Variants in UNC13D observed in about 807,000 individuals in gnomAD.
The protein encoded by UNC13D is unc-13 homolog D.
In UNC13D, 115 loss-of-function variants were observed where a neutral mutation model predicts 151.7. The ratio of observed to expected loss-of-function variants is 0.76; its 90% CI spans 0.65 to 0.88. The LOEUF (loss-of-function observed/expected upper bound fraction) is 0.88. UNC13D is among the 40% of genes least tolerant of loss of function. The pLI is 0.00. For missense variants in UNC13D, 1,369 were observed against 1,438.7 expected, an observed-to-expected ratio of 0.95 and a Z score of 0.78; for synonymous variants, 588 against 612.2, an observed-to-expected ratio of 0.96 and a Z score of 0.58.
intron 6 of UNC13D, among the ~76,000 whole-genome samples, chr17:75,841,832 T>C (rs1446548187): frequency 6.0e-5 from 9 of 149,462 alleles, no homozygotes; most frequent in African/African-American, 2.0e-4. Flanking sequence ...CACTGCAACC[T>C]CCGCCTCCCA....
At chr17:75,831,484 C>T (rs2064872496) in intron 25 of UNC13D, 136 bp from the exon 26 acceptor site, 1 of 745,088 alleles carries the variant, frequency 1.3e-6, no homozygotes, top group South Asian at 1.7e-5. Context: ...ACCTCCCCCT[C>T]CGCCTCCCAC....
At chr17:75,843,388 C>T in intron 2 of UNC13D, 96 bp downstream of exon 2, 1 of 1,566,998 alleles carries the variant, frequency 6.4e-7, no homozygotes, top group South Asian at 1.1e-5. Context: ...GAGTCCCCTC[C>T]CCACCGCAAG....
chr17:75,829,987 A>G (rs1391194581), intron 30 of UNC13D, 41 bp downstream of exon 30: 1 of 1,562,720 alleles, frequency 6.4e-7, no homozygotes, highest in East Asian at 2.3e-5. Context: ...CAGTGGGGAG[A>G]GATGAGGGGA....
rs3744008 is a variant in UNC13D at position 75,843,133 on chromosome 17, G to A, written c.261+26C>T. ...CACCAGACAGGGCAGCTGCAGGAAG[G>A]GGGGTGGGGTGGGAGCCGGGCTCAC... On this transcript the variant is annotated intron_variant, in intron 3 of 31. Coordinates refer to ENST00000207549, the MANE Select transcript of UNC13D (RefSeq NM_199242.3). 2.0e-4 allele frequency: 321 copies of A among 1,610,244 alleles called. 2 individuals carry two copies. Among genetic ancestry groups the A allele is most frequent in the Non-Finnish European group, 2.1e-4 (253 of 1,179,698 alleles).
chr17:75,839,807 C>T (rs767652209), intron 12 of UNC13D, 32 bp downstream of exon 12: 1 of 1,610,700 alleles, frequency 6.2e-7, no homozygotes, highest in South Asian at 1.1e-5. Context: ...GGGCTGGTGG[C>T]TCAGGGGTTC....
intron 12 of UNC13D, among the ~76,000 whole-genome samples, chr17:75,837,389 T>C (rs1021486881): frequency 6.6e-6 from 1 of 151,716 alleles, no homozygotes; most frequent in African/African-American, 2.4e-5. Context: ...TTTGTTTCCA[T>C]AGATGCTTTT....
Position 75,840,266 on chromosome 17 carries a change from G to C in UNC13D, c.817C>G (p.Arg273Gly). 1 of 1,614,024 alleles carries C rather than the reference G, an allele frequency of 6.2e-7. No homozygotes were observed. Among genetic ancestry groups the C allele is most frequent in the Non-Finnish European group, 8.5e-7 (1 of 1,180,032 alleles). The change falls in exon 10 of 32, where the codon CGA (arginine) becomes GGA (glycine). Residue 273 changes from arginine to glycine, a missense_variant. Physicochemically the swap from Arg to Gly is moderately radical, Grantham distance 125. This residue lies in a region of UNC13D where 550 missense variants were observed against 609.0 expected (regional missense o/e 0.90). Coordinates refer to ENST00000207549, the MANE Select transcript of UNC13D (RefSeq NM_199242.3). This position sits in a 1 kb window ranked among gnomAD's most constrained non-coding sequence, Gnocchi z 4.6. Reference protein sequence around the residue: ...LEPRTETYPDRGQCHLQFQLI... With the variant: ...LEPRTETYPDGGQCHLQFQLI... ...TGGAACTGGAGGTGGCACTGGCCTC[G>C]GTCTGGGTAGGTCTCAGTGCGGGGT... is the stretch of plus-strand genomic sequence containing the variant.
At chr17:75,841,991 C>T (rs1445749886) in intron 6 of UNC13D, among the ~76,000 whole-genome samples, 2 of 152,124 alleles carry the variant, frequency 1.3e-5, no homozygotes, top group African/African-American at 4.8e-5. Flanking sequence ...TCATGATCTG[C>T]CCTCCTCAGC....
At position 75,836,614 on chromosome 17, in the gene UNC13D, AG is replaced by A. The variant is rs772295708; in HGVS notation, c.1255del (p.Leu419SerfsTer23). 15 of 1,613,654 alleles carry A rather than the reference AG, an allele frequency of 9.3e-6. No individual in the cohort carries two copies. The highest frequency in any genetic ancestry group is 1.3e-5 in the Non-Finnish European group (15 of 1,179,974). On this transcript the variant is annotated frameshift_variant, in exon 14 of 32. Coordinates refer to ENST00000207549, the MANE Select transcript of UNC13D (RefSeq NM_199242.3). LOFTEE classifies it high-confidence loss of function. ...CCGGGCTGGGGAGTCCGAGACAGAG[AG>A]GGGGAAGACAGAGCGGAACCTCCGG... Reference protein sequence around the residue: ...LIRRFRSVFPLSVSDSPARLQ... With the variant: ...LIRRFRSVFPXSVSDSPARLQ...
rs1175378274 is a variant in UNC13D at position 75,840,165 on chromosome 17, C to T, written c.859-55G>A. ...GCCTCACACTGGGTGCAGCCAGCCC[C>T]GCAACCCAGCAGACCGCCGCAAGAG... On this transcript the variant is annotated intron_variant, in intron 10 of 31. Transcript: ENST00000207549. The surrounding 1 kb of genome is among the most constrained non-coding windows in gnomAD (Gnocchi z 4.6). 1.2e-5 allele frequency: 19 copies of T among 1,611,804 alleles called. No individual in the cohort carries two copies. The highest frequency in any genetic ancestry group is 8.8e-5 in the South Asian group (8 of 90,912).
Position 75,835,369 on chromosome 17 carries a change from C to A in UNC13D, c.1848+40G>T, listed in dbSNP as rs1484642767. The stretch of plus-strand genomic sequence containing the variant: ...CCAGGCAGAACCCAAGCCTCACCCC[C>A]AAACCGGGGCCCCGCCCCCTGCCCT... On this transcript the variant is annotated intron_variant, in intron 20 of 31. Transcript: ENST00000207549. 3 of 1,603,788 alleles carry A rather than the reference C, an allele frequency of 1.9e-6. No homozygotes were observed. In the South Asian group the frequency reaches 3.3e-5, roughly 18 times the overall value.
In UNC13D at chr17:75,836,670, G is replaced by A; in HGVS notation, c.1200C>T (p.Ser400=). 6.8e-6 allele frequency: 11 copies of A among 1,613,734 alleles called. No homozygotes were observed. The highest frequency in any genetic ancestry group is 9.3e-6 in the Non-Finnish European group (11 of 1,180,036). The change falls in exon 14 of 32, where the codon AGC becomes AGT. Residue 400 remains serine (S), a synonymous_variant. Transcript: ENST00000207549. ...GGGAGAGGCCGTAGGTCAGCAGGGA[G>A]CTGAATGAGGCGGCCAGCTCCTCCT... is the stretch of plus-strand genomic sequence containing the variant. ...EQQEELAASF[S]SLLTYGLSLI...
At chr17:75,842,958 G>C in intron 4 of UNC13D, 35 bp from the exon 5 acceptor site, 1 of 1,613,154 alleles carries the variant, frequency 6.2e-7, no homozygotes, top group Non-Finnish European at 8.5e-7. Context: ...GAGTCCCTGA[G>C]GGGGCTGGGC....
At chr17:75,843,402 C>T in intron 2 of UNC13D, 82 bp downstream of exon 2, 1 of 1,571,994 alleles carries the variant, frequency 6.4e-7, no homozygotes, top group Non-Finnish European at 8.6e-7. Flanking sequence ...CCGCAAGTTG[C>T]TTGCTGCCAT....
chr17:75,830,202 C>T (rs772529830), intron 29 of UNC13D, 51 bp from the exon 30 acceptor site: 1 of 1,568,390 alleles, frequency 6.4e-7, no homozygotes, highest in Non-Finnish European at 8.6e-7. Context: ...CCAGGCACCC[C>T]ACCCCAGCAG....
intron 4 of UNC13D, 27 bp from the exon 5 acceptor site, chr17:75,842,950 G>A: frequency 6.2e-7 from 1 of 1,613,212 alleles, no homozygotes; most frequent in Non-Finnish European, 8.5e-7. Flanking sequence ...GATGGCCTGA[G>A]TCCCTGAGGG....
chr17:75,830,165 G>A lies in UNC13D; in HGVS notation c.2831-14C>T, dbSNP rs567552311. ...GGTCGCTGGAGCCTGGTAAGTGGCC[G>A]GGGAGTGTGCGTCAGCTGAGGGTCT... On this transcript the variant is annotated splice_polypyrimidine_tract_variant and intron_variant, in intron 29 of 31. Coordinates refer to ENST00000207549, the MANE Select transcript of UNC13D (RefSeq NM_199242.3). 2.4e-5 allele frequency: 38 copies of A among 1,585,544 alleles called. No individual in the cohort carries two copies. Among genetic ancestry groups the A allele is most frequent in the African/African-American group, 6.7e-5 (5 of 74,188 alleles).
chr17:75,843,358 C>T (rs1183446277), intron 2 of UNC13D, 92 bp from the exon 3 acceptor site: 3 of 1,574,832 alleles, frequency 1.9e-6, no homozygotes, highest in South Asian at 1.1e-5. Flanking sequence ...GCTTGTGCAG[C>T]GGAGGGAGTT....
intron 31 of UNC13D, among the ~76,000 whole-genome samples, chr17:75,828,417 A>AGAGT (rs1287771332): frequency 6.6e-6 from 1 of 152,234 alleles, no homozygotes; most frequent in Non-Finnish European, 1.5e-5. Context: ...CATCTGTAAA[A>AGAGT]GAGTGCTAAT....
Sources: allele counts gnomAD v4.1 joint callset (sites outside exome capture counted in the v4.1 genomes callset), GRCh38; gene constraint gnomAD v4.1.1; regional missense constraint gnomAD v4.1.1; non-coding constraint Gnocchi (gnomAD v3.1); transcripts MANE v1.5; gene names NCBI Gene and HGNC (gene_info 2026-07-23, HGNC 2026-07-21).